The following CTNNA3 variants were observed in gnomAD, a reference collection of about 807,000 sequenced individuals.
CTNNA3 encodes catenin alpha 3.
Under a neutral mutation model 95.7 loss-of-function variants are expected in CTNNA3, and 76 were observed. That is an observed-to-expected ratio of 0.79 (90% CI 0.66 to 0.96). CTNNA3 has a LOEUF of 0.96. Among genes scored for constraint, CTNNA3 ranks in the 40% least tolerant of loss-of-function variants. The pLI is 0.00. For missense variants in CTNNA3, 1,191 were observed against 1,089.8 expected (o/e 1.09, Z -1.31); for synonymous variants, 431 against 374.4 (o/e 1.15, Z -1.74).
intron 9 of CTNNA3, among the ~76,000 whole-genome samples, chr10:66,643,502 C>T (rs1845586740): frequency 6.6e-6 from 1 of 152,138 alleles, no homozygotes; most frequent in Non-Finnish European, 1.5e-5. Context: ...AGGGCATCTT[C>T]TTATTTCTAG....
At chr10:67,650,784 G>A (rs531607732) in intron 1 of CTNNA3, among the ~76,000 whole-genome samples, 32 of 152,058 alleles carry the variant, frequency 2.1e-4, no homozygotes, top group Admixed American at 1.6e-3. Flanking sequence ...TGTTTTCATC[G>A]TGCCCTGGCA....
intron 12 of CTNNA3, among the ~76,000 whole-genome samples, chr10:66,315,198 C>A (rs1432585316): frequency 2.6e-5 from 4 of 151,794 alleles, no homozygotes; most frequent in African/African-American, 7.3e-5. Flanking sequence ...TAAGTAAATA[C>A]CAGTTTTACT....
At chr10:66,024,007 C>G (rs1156584254) in intron 15 of CTNNA3, among the ~76,000 whole-genome samples, 1 of 149,890 alleles carries the variant, frequency 6.7e-6, no homozygotes, top group Non-Finnish European at 1.5e-5. Flanking sequence ...CAGATAGCTT[C>G]TTGTTAGAAC....
intron 12 of CTNNA3, among the ~76,000 whole-genome samples, chr10:66,374,350 G>A (rs148607756): frequency 3.0e-4 from 46 of 152,250 alleles, no homozygotes; most frequent in African/African-American, 1.1e-3. Flanking sequence ...TGCAAAGGTG[G>A]TGGCATTTGA....
chr10:67,693,078 A>T (rs1306362935), intron 1 of CTNNA3, among the ~76,000 whole-genome samples: 2 of 152,248 alleles, frequency 1.3e-5, no homozygotes, highest in African/African-American at 4.8e-5. Context: ...CATTTTGCAC[A>T]CAGGAACTCA....
intron 9 of CTNNA3, among the ~76,000 whole-genome samples, chr10:66,732,557 C>T (rs181984691): frequency 1.3e-5 from 2 of 152,182 alleles, no homozygotes; most frequent in East Asian, 1.9e-4. Context: ...TCCTTCTTCA[C>T]GTGGTGGCAG....
At chr10:67,186,610 G>A (rs1862861282) in intron 6 of CTNNA3, among the ~76,000 whole-genome samples, 1 of 152,090 alleles carries the variant, frequency 6.6e-6, no homozygotes, top group Admixed American at 6.6e-5. Context: ...CCTGTGAAAT[G>A]GCACTGGATT....
intron 7 of CTNNA3, among the ~76,000 whole-genome samples, chr10:66,829,961 G>A (rs1842658936): frequency 6.6e-6 from 1 of 151,928 alleles, no homozygotes; most frequent in African/African-American, 2.4e-5. Context: ...CGCCTCCCGG[G>A]TTCACGCCAT....
chr10:66,536,481 C>CAAAA (rs10676331), intron 10 of CTNNA3, among the ~76,000 whole-genome samples: 4 of 116,146 alleles, frequency 3.4e-5, no homozygotes, highest in Non-Finnish European at 5.1e-5. Context: ...GACTCTGTCT[C>CAAAA]AAAAAAAAAA....
chr10:66,781,021 C>G (rs1310914237), intron 7 of CTNNA3, among the ~76,000 whole-genome samples: 1 of 151,980 alleles, frequency 6.6e-6, no homozygotes, highest in Admixed American at 6.6e-5. Flanking sequence ...GTGTGTAATA[C>G]GAAGCTGAAA....
intron 5 of CTNNA3, among the ~76,000 whole-genome samples, chr10:67,316,075 T>A (rs758613189): frequency 2.8e-4 from 43 of 152,296 alleles, no homozygotes; most frequent in Middle Eastern, 3.4e-3. Flanking sequence ...ATATCATTTA[T>A]GGTAATGAAA....
chr10:66,676,250 G>A (rs940777820), intron 9 of CTNNA3, among the ~76,000 whole-genome samples: 4 of 151,950 alleles, frequency 2.6e-5, no homozygotes, highest in Non-Finnish European at 5.9e-5. Context: ...ATGGCTGCTG[G>A]GATAGGAAAA....
intron 2 of CTNNA3, among the ~76,000 whole-genome samples, chr10:67,614,453 C>A (rs2133395073): frequency 6.6e-6 from 1 of 152,244 alleles, no homozygotes; most frequent in Non-Finnish European, 1.5e-5. Context: ...CTAGACGGTC[C>A]CATCTGGGGG....
intron 7 of CTNNA3, among the ~76,000 whole-genome samples, chr10:66,981,935 C>T (rs1850466311): frequency 6.6e-6 from 1 of 152,152 alleles, no homozygotes; most frequent in Non-Finnish European, 1.5e-5. Context: ...CAGGAAGCTC[C>T]CAAAGGCTGC....
chr10:67,436,853 G>C (rs886428261), intron 5 of CTNNA3, among the ~76,000 whole-genome samples: 1 of 152,146 alleles, frequency 6.6e-6, no homozygotes, highest in African/African-American at 2.4e-5. Flanking sequence ...GGTGATCAGG[G>C]AACACTTCTA....
chr10:67,605,408 A>G (rs1290128215), intron 3 of CTNNA3, among the ~76,000 whole-genome samples: 1 of 152,182 alleles, frequency 6.6e-6, no homozygotes, highest in East Asian at 1.9e-4. Context: ...CAAAGGATAC[A>G]AAGTTGCAGT....
chr10:66,330,154 G>T (rs139349754), intron 12 of CTNNA3, among the ~76,000 whole-genome samples: 1 of 151,812 alleles, frequency 6.6e-6, no homozygotes, highest in African/African-American at 2.4e-5. Flanking sequence ...TGCCATGTTG[G>T]TGTGCTGCAT....
intron 14 of CTNNA3, among the ~76,000 whole-genome samples, chr10:66,069,975 T>C (rs999241901): frequency 6.6e-6 from 1 of 152,118 alleles, no homozygotes; most frequent in African/African-American, 2.4e-5. Flanking sequence ...AAAACAATGA[T>C]GCTTTTAGTT....
intron 11 of CTNNA3, among the ~76,000 whole-genome samples, chr10:66,486,893 A>T (rs1343196643): frequency 1.3e-5 from 2 of 152,082 alleles, no homozygotes; most frequent in Non-Finnish European, 2.9e-5. Flanking sequence ...CCTGCCATAT[A>T]TGACAACATA....
Sources: allele counts gnomAD v4.1 joint callset (sites outside exome capture counted in the v4.1 genomes callset), GRCh38; gene constraint gnomAD v4.1.1; transcripts MANE v1.5; gene names NCBI Gene and HGNC (gene_info 2026-07-23, HGNC 2026-07-21).